The following ST6GAL2 variants were observed in gnomAD, a reference collection of about 807,000 sequenced individuals.
ST6GAL2 encodes the protein beta-galactoside alpha-2,6-sialyltransferase 2.
A neutral mutation model predicts 37.5 loss-of-function variants in ST6GAL2; 24 were observed. The observed-to-expected ratio is 0.64, with a 90% confidence interval of 0.46 to 0.90. ST6GAL2 has a LOEUF of 0.90. ST6GAL2 is among the 40% of genes least tolerant of loss of function. The probability of loss-of-function intolerance (pLI) is 0.00; values close to 1 mark genes in which losing one functional copy is unlikely to be tolerated. For synonymous variants in ST6GAL2, 306 were observed against 295.1 expected (o/e 1.04, Z -0.38); for missense variants, 715 against 712.7 (o/e 1.00, Z -0.04).
At chr2:106,874,921 C>A (rs1017631836) in intron 1 of ST6GAL2, among the ~76,000 whole-genome samples, 30 of 152,196 alleles carry the variant, frequency 2.0e-4, no homozygotes, top group African/African-American at 6.3e-4. Context: ...TCATTAGAAC[C>A]TTAACGCTGT....
At chr2:106,859,877 A>C (rs1677728399) in intron 1 of ST6GAL2, among the ~76,000 whole-genome samples, 1 of 148,834 alleles carries the variant, frequency 6.7e-6, no homozygotes, top group Non-Finnish European at 1.5e-5. Flanking sequence ...CTTATACTTC[A>C]AATTAAAAAA....
intron 5 of ST6GAL2, among the ~76,000 whole-genome samples, chr2:106,829,015 C>T (rs1288564191): frequency 6.6e-6 from 1 of 152,130 alleles, no homozygotes; most frequent in Non-Finnish European, 1.5e-5. Context: ...GTTAAGAGAG[C>T]TAAATGAGGT....
At chr2:106,830,502 C>G (rs1676379025) in intron 4 of ST6GAL2, among the ~76,000 whole-genome samples, 2 of 152,326 alleles carry the variant, frequency 1.3e-5, no homozygotes, top group South Asian at 4.1e-4. Flanking sequence ...GATCAGCATA[C>G]TTCTTCCACA....
intron 2 of ST6GAL2, among the ~76,000 whole-genome samples, chr2:106,835,728 C>A (rs1272996464): frequency 3.3e-5 from 5 of 152,148 alleles, no homozygotes; most frequent in Admixed American, 2.0e-4. Flanking sequence ...GACAGAGATA[C>A]AGTTCACAAA....
In ST6GAL2 at chr2:106,832,345, C is replaced by T. The variant is rs76492061; in HGVS notation, c.1143+220G>A. Among the ~76,000 whole-genome samples the T allele has an allele frequency of 1.7e-3, 264 of 152,284 alleles. 3 individuals carry two copies. The highest frequency in any genetic ancestry group is 6.1e-3 in the African/African-American group (254 of 41,552). On this transcript the variant is annotated intron_variant, in intron 4 of 5. Transcript: ENST00000409382. Reference sequence around the variant, plus strand: ...ATTTCCCCCACCCGGCTGCCCTGCCCACCGATTCTGCACAAAAGCACTTTG... The same window carrying T: ...ATTTCCCCCACCCGGCTGCCCTGCCTACCGATTCTGCACAAAAGCACTTTG...
chr2:106,882,279 T>C (rs756094058), intron 1 of ST6GAL2, among the ~76,000 whole-genome samples: 1 of 152,170 alleles, frequency 6.6e-6, no homozygotes, highest in Non-Finnish European at 1.5e-5. Context: ...TCATTCTTGT[T>C]TTCCTCTGTT....
intron 1 of ST6GAL2, among the ~76,000 whole-genome samples, chr2:106,864,803 T>C (rs1677955102): frequency 6.6e-6 from 1 of 152,218 alleles, no homozygotes; most frequent in African/African-American, 2.4e-5. Flanking sequence ...TTTTCACACT[T>C]TCTAATGGGT....
intron 1 of ST6GAL2, among the ~76,000 whole-genome samples, chr2:106,868,413 T>G (rs1678123678): frequency 1.3e-5 from 2 of 152,198 alleles, no homozygotes; most frequent in Non-Finnish European, 2.9e-5. Flanking sequence ...AGTGCATTCA[T>G]GCACCGCGCA....
rs750405152 is a variant in ST6GAL2, at chr2:106,843,419, C to T, written c.559G>A (p.Glu187Lys). The change falls in exon 2 of 6, where the codon GAG (glutamate) becomes AAG (lysine). Residue 187 changes from glutamate (E) to lysine (K), a missense_variant. Glu to Lys is a moderately conservative substitution (Grantham distance 56). This residue lies in a region of ST6GAL2 where 512 missense variants were observed against 488.8 expected (regional missense o/e 1.05). Transcript: ENST00000409382. ...HRRQRRSHVL[E>K]EGDDGDRLYS... The stretch of plus-strand genomic sequence containing the variant: ...AGCCTGTCGCCGTCGTCGCCCTCCT[C>T]CAACACGTGGCTCCTTCTCTGCCTC... 5.6e-6 allele frequency: 9 copies of T among 1,614,142 alleles called. No homozygotes were observed. Among genetic ancestry groups the T allele is most frequent in the Non-Finnish European group, 7.6e-6 (9 of 1,180,018 alleles).
At chr2:106,853,385 G>A (rs903868937) in intron 1 of ST6GAL2, among the ~76,000 whole-genome samples, 1 of 152,214 alleles carries the variant, frequency 6.6e-6, no homozygotes, top group Non-Finnish European at 1.5e-5. Flanking sequence ...GGTTGCAGGG[G>A]TTTTCTACCT....
At chr2:106,880,993 C>A (rs1296877782) in intron 1 of ST6GAL2, among the ~76,000 whole-genome samples, 3 of 151,994 alleles carry the variant, frequency 2.0e-5, no homozygotes, top group African/African-American at 4.8e-5. Context: ...TTATTTATTT[C>A]TTTATTTTCT....
In ST6GAL2 at chr2:106,843,250, T is replaced by A. The variant is rs1008022174; in HGVS notation, c.728A>T (p.Glu243Val). Reference sequence around the variant, plus strand: ...CAGCTGTGCCCTGCTCAGCCCGGCCTCCCGCTTCCCGCGGAAGCGCACCCC... The same window carrying A: ...CAGCTGTGCCCTGCTCAGCCCGGCCACCCGCTTCCCGCGGAAGCGCACCCC... ...KHGVRFRGKR[E>V]AGLSRAQLLC... The change falls in exon 2 of 6, where the codon GAG becomes GTG. Residue 243 changes from glutamate (E) to valine (V), a missense_variant. Glu to Val is a moderately radical substitution (Grantham distance 121). Coordinates refer to ENST00000409382, the MANE Select transcript of ST6GAL2 (RefSeq NM_001142351.2). 1.1e-5 allele frequency: 17 copies of A among 1,592,200 alleles called. No homozygotes were observed. Among genetic ancestry groups the A allele is most frequent in the Admixed American group, 5.3e-5 (3 of 56,176 alleles).
At chr2:106,821,864 A>G (rs527779687) in intron 5 of ST6GAL2, among the ~76,000 whole-genome samples, 2 of 152,288 alleles carry the variant, frequency 1.3e-5, no homozygotes, top group South Asian at 4.1e-4. Flanking sequence ...CAACATATGC[A>G]AATCAATCAA....
intron 4 of ST6GAL2, among the ~76,000 whole-genome samples, chr2:106,832,168 T>C (rs902590086): frequency 6.6e-6 from 1 of 152,184 alleles, no homozygotes; most frequent in African/African-American, 2.4e-5. Flanking sequence ...ATTCACAAAG[T>C]TGAGATTTTC....
intron 1 of ST6GAL2, among the ~76,000 whole-genome samples, chr2:106,853,524 C>T (rs572462108): frequency 2.6e-4 from 40 of 152,270 alleles, no homozygotes; most frequent in Non-Finnish European, 2.9e-4. Flanking sequence ...AGCTGGACGT[C>T]GAAGGATGCA....
chr2:106,826,011 C>T (rs371606518), intron 5 of ST6GAL2, among the ~76,000 whole-genome samples: 2 of 152,238 alleles, frequency 1.3e-5, no homozygotes, highest in African/African-American at 2.4e-5. Flanking sequence ...ATCTAACTGC[C>T]GCTGGATAAT....
chr2:106,836,044 A>G (rs1394215902), intron 2 of ST6GAL2, among the ~76,000 whole-genome samples: 1 of 152,150 alleles, frequency 6.6e-6, no homozygotes, highest in African/African-American at 2.4e-5. Context: ...GATGGAATAT[A>G]TCTACTGATA....
chr2:106,878,113 G>A (rs1220977029), intron 1 of ST6GAL2, among the ~76,000 whole-genome samples: 2 of 152,132 alleles, frequency 1.3e-5, no homozygotes, highest in Non-Finnish European at 2.9e-5. Flanking sequence ...CACCCACCAC[G>A]ACTCAAAAAC....
At position 106,843,177 on chromosome 2, in the gene ST6GAL2, G is replaced by A. The variant is rs559643382; in HGVS notation, c.801C>T (p.Thr267=). Reference sequence around the variant, plus strand: ...AGCCCAGCGCAGAAAAGGGCGCCTCGGTGCCGTCCAGCGTCCGCACGCGCG... The same window carrying A: ...AGCCCAGCGCAGAAAAGGGCGCCTCAGTGCCGTCCAGCGTCCGCACGCGCG... The part of the protein sequence containing the change: ...SRARVRTLDG[T]EAPFSALGWR... Residue 267 remains threonine, a synonymous_variant, in exon 2 of 6, where the codon ACC becomes ACT. Transcript: ENST00000409382. 2.8e-5 allele frequency: 44 copies of A among 1,555,176 alleles called. No individual in the cohort carries two copies. The highest frequency in any genetic ancestry group is 9.5e-5 in the African/African-American group (7 of 73,618).
Sources: gnomAD v4.1 joint callset for allele counts (sites outside exome capture counted in the v4.1 genomes callset) on GRCh38, gnomAD v4.1.1 for gene constraint, gnomAD v4.1.1 regional missense constraint, MANE v1.5 for transcripts, NCBI Gene and HGNC (gene_info 2026-07-23, HGNC 2026-07-21) for gene names.